The following ACTR3C variants were observed in gnomAD, a reference collection of about 807,000 sequenced individuals.
ACTR3C encodes actin-related protein 3C.
ACTR3C carries 18 observed loss-of-function variants against 26.3 expected under a neutral mutation model. That is an observed-to-expected ratio of 0.68 (90% CI 0.47 to 1.01). ACTR3C has a LOEUF of 1.01. Among genes scored for constraint, ACTR3C ranks in the 50% least tolerant of loss-of-function variants. The pLI is 0.00. For missense variants in ACTR3C, 184 were observed against 250.7 expected (o/e 0.73, Z 1.80); for synonymous variants, 55 against 94.5 (o/e 0.58, Z 2.42).
the ACTR3C span, among the ~76,000 whole-genome samples, chr7:150,198,803 TG>T: frequency 4.7e-5 from 5 of 105,718 alleles, no homozygotes; most frequent in African/African-American, 1.1e-4. Context: ...GGGAGGGAGG[TG>T]GGGGGGTCAG....
chr7:150,135,250 G>A, the ACTR3C span, among the ~76,000 whole-genome samples: 1 of 151,968 alleles, frequency 6.6e-6, no homozygotes, highest in Non-Finnish European at 1.5e-5. Flanking sequence ...CCAACCCGGG[G>A]GACACAGCGA....
the ACTR3C span, among the ~76,000 whole-genome samples, chr7:150,169,942 G>T: frequency 0.075 from 11,156 of 148,936 alleles, 704 homozygotes; most frequent in South Asian, 0.18. Flanking sequence ...TTTACATCTG[G>T]TTGTTAGGTA....
At chr7:149,882,206 C>G in the ACTR3C span, 1 of 152,310 alleles carries the variant, frequency 6.6e-6, no homozygotes, top group Non-Finnish European at 1.5e-5. Flanking sequence ...GCTGAAGATC[C>G]ACGTTGGCCC....
the ACTR3C span, among the ~76,000 whole-genome samples, chr7:150,207,299 C>T: frequency 2.0e-5 from 3 of 152,162 alleles, no homozygotes; most frequent in African/African-American, 7.2e-5. Context: ...TTTTCAGTGT[C>T]CCTGGGTATT....
the ACTR3C span, among the ~76,000 whole-genome samples, chr7:150,201,870 C>T: frequency 1.1e-4 from 17 of 152,058 alleles, 1 homozygote; most frequent in East Asian, 2.5e-3. Context: ...CACAATTTGT[C>T]TCTTAAAATA....
chr7:150,037,757 C>A, the ACTR3C span, among the ~76,000 whole-genome samples: 4 of 44,566 alleles, frequency 9.0e-5, no homozygotes, highest in East Asian at 5.3e-3. Context: ...TCCCCACCCT[C>A]GCGGGGGGTG....
chr7:150,009,010 G>A, the ACTR3C span, among the ~76,000 whole-genome samples: 574 of 146,802 alleles, frequency 3.9e-3, no homozygotes, highest in South Asian at 7.2e-3. Flanking sequence ...GGCAGGCATC[G>A]TGGCTGGTGT....
At chr7:150,013,611 C>A in the ACTR3C span, among the ~76,000 whole-genome samples, 2 of 152,218 alleles carry the variant, frequency 1.3e-5, no homozygotes, top group African/African-American at 4.8e-5. Context: ...TAGGAAGATG[C>A]CTTGGGCATG....
At chr7:150,060,143 G>A in the ACTR3C span, among the ~76,000 whole-genome samples, 1 of 152,078 alleles carries the variant, frequency 6.6e-6, no homozygotes, top group Non-Finnish European at 1.5e-5. Context: ...TGTGAGTCTC[G>A]CTCCATATTT....
chr7:150,259,840 T>C (rs1162314780), intron 6 of ACTR3C, among the ~76,000 whole-genome samples: 6 of 152,188 alleles, frequency 3.9e-5, no homozygotes, highest in Admixed American at 2.0e-4. Flanking sequence ...AGCTCCCCCA[T>C]GACCCTCCTG....
chr7:150,253,870 A>G (rs1014013909), intron 6 of ACTR3C, among the ~76,000 whole-genome samples: 5 of 151,024 alleles, frequency 3.3e-5, no homozygotes, highest in African/African-American at 7.3e-5. Flanking sequence ...ATGTACCCTG[A>G]CTTGCTGTTG....
the ACTR3C span, among the ~76,000 whole-genome samples, chr7:150,027,796 C>G: frequency 6.6e-6 from 1 of 151,990 alleles, no homozygotes; most frequent in Non-Finnish European, 1.5e-5. Flanking sequence ...TTTGAAAAAA[C>G]AAAATACTGT....
chr7:150,188,157 T>C, the ACTR3C span, among the ~76,000 whole-genome samples: 2 of 152,192 alleles, frequency 1.3e-5, no homozygotes, highest in African/African-American at 4.8e-5. Context: ...TAAGATCTGA[T>C]CTTTGTCTCT....
the ACTR3C span, chr7:150,002,009 G>A: frequency 6.6e-6 from 1 of 152,260 alleles, no homozygotes; most frequent in Non-Finnish European, 1.5e-5. Flanking sequence ...CAACAAGAAG[G>A]CATAGGCTCA....
At chr7:149,934,320 C>T in the ACTR3C span, among the ~76,000 whole-genome samples, 25 of 152,334 alleles carry the variant, frequency 1.6e-4, no homozygotes, top group African/African-American at 5.8e-4. Context: ...TAGCAACACA[C>T]AGATTCCAGG....
the ACTR3C span, among the ~76,000 whole-genome samples, chr7:150,222,774 G>A: frequency 6.6e-6 from 1 of 152,186 alleles, no homozygotes; most frequent in Non-Finnish European, 1.5e-5. Context: ...AGATGCTGTT[G>A]ATGTCTAATT....
chr7:150,032,003 T>A, the ACTR3C span, among the ~76,000 whole-genome samples: 1 of 152,336 alleles, frequency 6.6e-6, no homozygotes, highest in East Asian at 1.9e-4. Flanking sequence ...ATGGGAGGTG[T>A]CCCTGCTTGC....
At chr7:150,300,356 A>G (rs1795342623) in intron 1 of ACTR3C, among the ~76,000 whole-genome samples, 1 of 152,228 alleles carries the variant, frequency 6.6e-6, no homozygotes, top group South Asian at 2.1e-4. Flanking sequence ...CATCTCAAAA[A>G]AAACAACAAC....
At chr7:149,928,581 C>T in the ACTR3C span, among the ~76,000 whole-genome samples, 1 of 152,080 alleles carries the variant, frequency 6.6e-6, no homozygotes, top group African/African-American at 2.4e-5. Flanking sequence ...GTGCCTCATG[C>T]CTGTAATCCC....
Sources: allele counts gnomAD v4.1 joint callset (sites outside exome capture counted in the v4.1 genomes callset), GRCh38; gene constraint gnomAD v4.1.1; transcripts MANE v1.5; gene names NCBI Gene and HGNC (gene_info 2026-07-23, HGNC 2026-07-21).